ADCY10: variants seen among roughly 807,000 people sequenced by gnomAD.
The protein encoded by ADCY10 is adenylate cyclase 10.
ADCY10 carries 156 observed loss-of-function variants against 183.3 expected under a neutral mutation model. That is an observed-to-expected ratio of 0.85 (90% CI 0.75 to 0.97). ADCY10 has a LOEUF of 0.97. Ranked by LOEUF, ADCY10 falls within the 50% of genes least tolerant of loss-of-function variation. ADCY10 has a pLI of 0.00. For synonymous variants in ADCY10, 645 were observed against 670.0 expected, an observed-to-expected ratio of 0.96 and a Z score of 0.58; for missense variants, 1,745 against 1,934.3, an observed-to-expected ratio of 0.90 and a Z score of 1.84.
At chr1:167,890,128 G>A (rs1668492470) in intron 8 of ADCY10, among the ~76,000 whole-genome samples, 1 of 152,176 alleles carries the variant, frequency 6.6e-6, no homozygotes, top group Non-Finnish European at 1.5e-5. Flanking sequence ...AAGTTCGTCA[G>A]TGTCTGGACA....
chr1:167,859,641 T>G (rs1558197152), intron 16 of ADCY10, among the ~76,000 whole-genome samples, 166 bp downstream of exon 16: 1 of 152,194 alleles, frequency 6.6e-6, no homozygotes, highest in Non-Finnish European at 1.5e-5. Context: ...ACAGACCTTT[T>G]GCTTGAGGTT....
chr1:167,870,523 T>C, intron 13 of ADCY10, 113 bp from the exon 14 acceptor site: 1 of 946,050 alleles, frequency 1.1e-6, no homozygotes, highest in Non-Finnish European at 1.6e-6. Flanking sequence ...CCAGGCGCTG[T>C]GGCTCACTCC....
At chr1:167,866,056 T>G (rs1459982474) in intron 14 of ADCY10, among the ~76,000 whole-genome samples, 2 of 152,184 alleles carry the variant, frequency 1.3e-5, no homozygotes, top group African/African-American at 2.4e-5. Flanking sequence ...AGTGATGCAA[T>G]GAGCTTAAGA....
rs1188400794 is a variant in ADCY10, at chr1:167,846,063, G to A, written c.2638C>T (p.Gln880Ter). 3 of 1,614,198 alleles carry A rather than the reference G, an allele frequency of 1.9e-6. No individual in the cohort carries two copies. The change falls in exon 20 of 33, where the codon CAA becomes TAA. Residue 880 changes from glutamine to a stop codon, truncating the protein, a stop_gained. Transcript: ENST00000367851. LOFTEE classifies it high-confidence loss of function. Reference protein sequence around the residue: ...FYCFRNGKELQKALKQNDPSF... With the variant: ...FYCFRNGKEL ...GGATCATTCTGTTTCAGGGCCTTTTGAAGCTCCTTGCCATTCCGGAAACAA... is the reference window on the plus strand; with the variant it reads ...GGATCATTCTGTTTCAGGGCCTTTTAAAGCTCCTTGCCATTCCGGAAACAA...
chr1:167,901,942 T>G, intron 4 of ADCY10, 74 bp downstream of exon 4: 1 of 1,607,824 alleles, frequency 6.2e-7, no homozygotes, highest in Non-Finnish European at 8.5e-7. Context: ...GGATGCCTCC[T>G]TTGTCCCCAA....
In ADCY10 at chr1:167,878,584, C is replaced by T; in HGVS notation, c.1268G>A (p.Gly423Glu). ...LAARMMMYYP[G>E]IVTCDSVTYN... ...GGTGACAGAGTCGCAGGTCACAATTCCTGGGTAGTACATCATCATCCTGGC... is the reference window on the plus strand; with the variant it reads ...GGTGACAGAGTCGCAGGTCACAATTTCTGGGTAGTACATCATCATCCTGGC... The change falls in exon 12 of 33, where the codon GGA (glycine) becomes GAA (glutamate). Residue 423 changes from glycine (G) to glutamate (E), a missense_variant. Physicochemically the swap from Gly to Glu is moderately conservative, Grantham distance 98. Coordinates refer to ENST00000367851, the MANE Select transcript of ADCY10 (RefSeq NM_018417.6). The T allele has an allele frequency of 6.2e-7, 1 of 1,614,126 alleles. No individual in the cohort carries two copies. Among genetic ancestry groups the T allele is most frequent in the Admixed American group, 1.7e-5 (1 of 60,016 alleles).
chr1:167,875,563 C>T (rs1425297681), intron 12 of ADCY10, among the ~76,000 whole-genome samples: 6 of 152,198 alleles, frequency 3.9e-5, no homozygotes, highest in African/African-American at 7.2e-5. Flanking sequence ...ACAATAATAG[C>T]GCGCCTTTTA....
chr1:167,850,481 G>A (rs1328127606), intron 18 of ADCY10, among the ~76,000 whole-genome samples: 1 of 152,060 alleles, frequency 6.6e-6, no homozygotes, highest in Non-Finnish European at 1.5e-5. Flanking sequence ...TGGGGAGAGA[G>A]TTGTTTCCAA....
intron 1 of ADCY10, among the ~76,000 whole-genome samples, chr1:167,907,391 T>G (rs74120533): frequency 0.01 from 1,571 of 152,354 alleles, 34 homozygotes; most frequent in African/African-American, 0.036. Context: ...TACATGTCCC[T>G]TGTGGGTTGT....
chr1:167,830,249 C>G (rs1663614008), intron 25 of ADCY10, among the ~76,000 whole-genome samples: 1 of 151,948 alleles, frequency 6.6e-6, no homozygotes, highest in Admixed American at 6.6e-5. Context: ...CACTTTTCCC[C>G]TTTAAATACT....
At chr1:167,840,314 T>C (rs1015392301) in intron 21 of ADCY10, among the ~76,000 whole-genome samples, 1 of 152,078 alleles carries the variant, frequency 6.6e-6, no homozygotes, top group Admixed American at 6.6e-5. Flanking sequence ...ATATGAGGTA[T>C]GCTCTTTGTC....
At chr1:167,855,216 A>T (rs903115177) in intron 17 of ADCY10, among the ~76,000 whole-genome samples, 3 of 152,180 alleles carry the variant, frequency 2.0e-5, no homozygotes, top group Admixed American at 6.5e-5. Context: ...GCTACTCGGG[A>T]GGCTGAGGCA....
intron 8 of ADCY10, among the ~76,000 whole-genome samples, chr1:167,885,529 A>G (rs1164770651): frequency 6.6e-6 from 1 of 152,144 alleles, no homozygotes; most frequent in Non-Finnish European, 1.5e-5. Flanking sequence ...ATTTTCATTT[A>G]TCTGATGATT....
At position 167,829,262 on chromosome 1, in the gene ADCY10, C is replaced by G; in HGVS notation, c.3750+5G>C. On this transcript the variant is annotated splice_donor_5th_base_variant and intron_variant, in intron 26 of 32. Transcript: ENST00000367851. ...CTTAAAGGAGCAGCTACAAAAATCC[C>G]CTACCTGGAAACAATTTTGAGTTTC... 6.2e-7 allele frequency: 1 copy of G among 1,613,938 alleles called. No individual in the cohort carries two copies. The highest frequency in any genetic ancestry group is 8.5e-7 in the Non-Finnish European group (1 of 1,179,876).
chr1:167,904,575 C>A, intron 2 of ADCY10: 1 of 402,554 alleles, frequency 2.5e-6, no homozygotes, highest in Non-Finnish European at 4.4e-6. Context: ...ATTTTCATTC[C>A]GTGGTAACAA....
Position 167,861,269 on chromosome 1 carries a change from A to G in ADCY10, c.1617-206T>C, listed in dbSNP as rs868183420. Among the ~76,000 whole-genome samples, 5 of 151,996 alleles carry G rather than the reference A, an allele frequency of 3.3e-5. No individual in the cohort carries two copies. In the South Asian group the frequency reaches 1.0e-3, roughly 32 times the overall value. On this transcript the variant is annotated intron_variant, in intron 14 of 32. Coordinates refer to ENST00000367851, the MANE Select transcript of ADCY10 (RefSeq NM_018417.6). ...AGCCCTGATTAATTTAACCTAGCTA[A>G]TTCTCTCCTTTCTAGTCCTACTGCC...
At chr1:167,891,645 G>A (rs1344416702) in intron 8 of ADCY10, among the ~76,000 whole-genome samples, 8 of 139,418 alleles carry the variant, frequency 5.7e-5, no homozygotes, top group Non-Finnish European at 1.2e-4. Flanking sequence ...GACAGAATGA[G>A]ACTCTGTCTC....
intron 14 of ADCY10, among the ~76,000 whole-genome samples, chr1:167,868,576 G>A (rs750752051): frequency 2.6e-5 from 4 of 151,930 alleles, no homozygotes; most frequent in Non-Finnish European, 5.9e-5. Flanking sequence ...CCCCCACTAG[G>A]CTATACTGGA....
At chr1:167,841,143 T>C (rs1010165029) in intron 21 of ADCY10, among the ~76,000 whole-genome samples, 1 of 152,054 alleles carries the variant, frequency 6.6e-6, no homozygotes, top group Non-Finnish European at 1.5e-5. Flanking sequence ...GAGTTCATCA[T>C]GCTTCTCTGG....
Sources: gnomAD v4.1 joint callset for allele counts (sites outside exome capture counted in the v4.1 genomes callset) on GRCh38, gnomAD v4.1.1 for gene constraint, MANE v1.5 for transcripts, NCBI Gene and HGNC (gene_info 2026-07-23, HGNC 2026-07-21) for gene names.